The following VMP1 variants were observed in gnomAD, a reference collection of about 807,000 sequenced individuals.
VMP1 encodes vacuole membrane protein 1, also known as ectopic P-granules autophagy protein 3 homolog.
In VMP1, 11 loss-of-function variants were observed where a neutral mutation model predicts 56.0. The ratio of observed to expected loss-of-function variants is 0.20; its 90% CI spans 0.12 to 0.32. VMP1 has a LOEUF of 0.32. Among genes scored for constraint, VMP1 ranks in the 10% least tolerant of loss-of-function variants. The probability of loss-of-function intolerance (pLI) is 1.00; values close to 1 mark genes in which losing one functional copy is unlikely to be tolerated. For missense variants in VMP1, 296 were observed against 490.3 expected (o/e 0.60, Z 3.74); for synonymous variants, 149 against 165.0 (o/e 0.90, Z 0.74).
intron 6 of VMP1, among the ~76,000 whole-genome samples, chr17:59,772,768 C>CAA (rs1209130241): frequency 7.5e-6 from 1 of 134,196 alleles, no homozygotes; most frequent in Admixed American, 7.6e-5. Context: ...GACTTCATCT[C>CAA]AAAAAAAAAA....
At chr17:59,813,664 G>C (rs904460907) in intron 9 of VMP1, among the ~76,000 whole-genome samples, 3 of 151,846 alleles carry the variant, frequency 2.0e-5, no homozygotes, top group African/African-American at 4.8e-5. Context: ...TCTGAAAATA[G>C]GTTTTTCTTT....
At chr17:59,771,161 T>A (rs1428482290) in intron 6 of VMP1, among the ~76,000 whole-genome samples, 1 of 130,458 alleles carries the variant, frequency 7.7e-6, no homozygotes, top group African/African-American at 3.6e-5. Flanking sequence ...CCAGTTACAT[T>A]ACACCTTTTT....
At chr17:59,718,797 G>A (rs1357955737) in intron 1 of VMP1, among the ~76,000 whole-genome samples, 2 of 151,890 alleles carry the variant, frequency 1.3e-5, no homozygotes, top group Non-Finnish European at 2.9e-5. Flanking sequence ...CTCCCAAAAC[G>A]ATAGGGTTAT....
chr17:59,719,552 C>CAA (rs1208009299), intron 1 of VMP1, among the ~76,000 whole-genome samples: 2 of 151,650 alleles, frequency 1.3e-5, no homozygotes, highest in Non-Finnish European at 2.9e-5. Flanking sequence ...AAATGAAAAT[C>CAA]AATGGTTTTG....
intron 9 of VMP1, among the ~76,000 whole-genome samples, chr17:59,816,170 A>G (rs1377113937): frequency 6.6e-6 from 1 of 152,224 alleles, no homozygotes; most frequent in Admixed American, 6.5e-5. Context: ...CAAAAAGAAA[A>G]TCTTGTTTTG....
intron 1 of VMP1, among the ~76,000 whole-genome samples, chr17:59,710,357 G>A (rs2033869770): frequency 6.6e-6 from 1 of 152,164 alleles, no homozygotes; most frequent in African/African-American, 2.4e-5. Context: ...TCTGGCTTAG[G>A]TAGTGCTAGA....
chr17:59,791,491 C>CTTTT (rs1208305582), intron 7 of VMP1, among the ~76,000 whole-genome samples: 1 of 127,110 alleles, frequency 7.9e-6, no homozygotes, highest in Non-Finnish European at 1.7e-5. Flanking sequence ...GTGCCCGGCT[C>CTTTT]TTTTTTTTTT....
chr17:59,807,207 T>G (rs546418956), intron 7 of VMP1, among the ~76,000 whole-genome samples: 55 of 150,824 alleles, frequency 3.6e-4, no homozygotes, highest in African/African-American at 6.3e-4. Context: ...TTGTTTTTTT[T>G]TTTTTTTGAG....
chr17:59,742,287 C>T (rs565413306), intron 5 of VMP1, among the ~76,000 whole-genome samples: 5 of 152,008 alleles, frequency 3.3e-5, no homozygotes, highest in African/African-American at 7.2e-5. Context: ...GCAGGAGGAT[C>T]GCTTGAGACC....
At chr17:59,807,342 C>T (rs904829183) in intron 7 of VMP1, among the ~76,000 whole-genome samples, 2 of 151,808 alleles carry the variant, frequency 1.3e-5, no homozygotes, top group Admixed American at 6.6e-5. Context: ...GGACTACAGG[C>T]GCCTGCCAGC....
At chr17:59,731,790 C>T (rs2034834323) in intron 2 of VMP1, among the ~76,000 whole-genome samples, 1 of 152,128 alleles carries the variant, frequency 6.6e-6, no homozygotes, top group Non-Finnish European at 1.5e-5. Flanking sequence ...TGGCTTTGCT[C>T]AGTGCTCAAT....
intron 7 of VMP1, among the ~76,000 whole-genome samples, chr17:59,799,888 G>A (rs962265234): frequency 4.6e-5 from 7 of 150,876 alleles, no homozygotes; most frequent in African/African-American, 1.5e-4. Flanking sequence ...ACTTGAACCC[G>A]GGAGGCGGAG....
chr17:59,728,434 T>G (rs918343316), intron 1 of VMP1, among the ~76,000 whole-genome samples: 1 of 151,140 alleles, frequency 6.6e-6, no homozygotes, highest in Admixed American at 6.6e-5. Flanking sequence ...TATAACCCCC[T>G]AACTCATATA....
At chr17:59,735,508 C>A (rs745856149) in intron 3 of VMP1, 35 bp downstream of exon 3, 1 of 1,607,440 alleles carries the variant, frequency 6.2e-7, no homozygotes, top group Admixed American at 1.7e-5. Context: ...TTTACATACA[C>A]CTCATTTACT....
At chr17:59,838,174 T>G in intron 10 of VMP1, 121 bp from the exon 11 acceptor site, 1 of 504,836 alleles carries the variant, frequency 2.0e-6, no homozygotes. Context: ...TATATTTTAT[T>G]CCTCTTCCTA....
chr17:59,735,556 C>T, intron 3 of VMP1, 83 bp downstream of exon 3: 3 of 1,432,050 alleles, frequency 2.1e-6, no homozygotes, highest in Non-Finnish European at 1.9e-6. Context: ...ACTTTCTGCC[C>T]TCTACTCCAT....
intron 1 of VMP1, among the ~76,000 whole-genome samples, chr17:59,727,324 C>T (rs182712725): frequency 6.6e-6 from 1 of 152,010 alleles, no homozygotes; most frequent in East Asian, 1.9e-4. Context: ...TTAGTAGAGA[C>T]AGGCTTTCAC....
intron 6 of VMP1, among the ~76,000 whole-genome samples, chr17:59,771,378 C>T (rs73315240): frequency 0.011 from 1,703 of 151,412 alleles, 35 homozygotes; most frequent in African/African-American, 0.039. Flanking sequence ...TTGCCCAGGC[C>T]GGTTTTAAAC....
chr17:59,799,744 C>A (rs2037572109), intron 7 of VMP1, among the ~76,000 whole-genome samples: 1 of 152,126 alleles, frequency 6.6e-6, no homozygotes. Context: ...GGGAGGATCA[C>A]CTGAGGTCAG....
Sources: allele counts gnomAD v4.1 joint callset (sites outside exome capture counted in the v4.1 genomes callset), GRCh38; gene constraint gnomAD v4.1.1; transcripts MANE v1.5; gene names NCBI Gene and HGNC (gene_info 2026-07-23, HGNC 2026-07-21).